The following HEG1 variants were observed in gnomAD, a reference collection of about 807,000 sequenced individuals.
The protein encoded by HEG1 is heart development protein with EGF like domains 1.
A neutral mutation model predicts 125.6 loss-of-function variants in HEG1; 56 were observed. That is an observed-to-expected ratio of 0.45 (90% CI 0.36 to 0.56). The LOEUF is 0.56. Ranked by LOEUF, HEG1 falls within the 20% of genes least tolerant of loss-of-function variation. The probability of loss-of-function intolerance (pLI) is 0.00; values close to 1 mark genes in which losing one functional copy is unlikely to be tolerated. For synonymous variants in HEG1, 644 were observed against 668.5 expected (o/e 0.96, Z 0.57); for missense variants, 1,523 against 1,670.0 (o/e 0.91, Z 1.53).
intron 1 of HEG1, among the ~76,000 whole-genome samples, chr3:125,051,963 G>A (rs971139631): frequency 6.6e-6 from 1 of 152,106 alleles, no homozygotes; most frequent in Non-Finnish European, 1.5e-5. Flanking sequence ...TGCCCAGCTG[G>A]GCAGCAAATA....
In HEG1 at chr3:125,027,461, T is replaced by C; in HGVS notation, c.657A>G (p.Glu219=). 1.2e-6 allele frequency: 2 copies of C among 1,613,540 alleles called. No homozygotes were observed. Among genetic ancestry groups the C allele is most frequent in the Non-Finnish European group, 1.7e-6 (2 of 1,179,710 alleles). ...TCTTTGTTTGAAAAGCGGCAATTCT[T>C]TCATCGAACTCTGAACTGCTGGATG... is the stretch of plus-strand genomic sequence containing the variant. The part of the protein sequence containing the change: ...HLPSSSSEFD[E]RIAAFQTKSG... The change falls in exon 3 of 17, where the codon GAA becomes GAG. Residue 219 remains glutamate (E), a synonymous_variant. Transcript: ENST00000311127.
chr3:124,995,111 CA>C (rs1365885239), intron 12 of HEG1, among the ~76,000 whole-genome samples: 1 of 152,020 alleles, frequency 6.6e-6, no homozygotes, highest in Non-Finnish European at 1.5e-5. Context: ...CCAGACTCGG[CA>C]ACATGGCAAA....
At chr3:125,021,226 G>T in intron 3 of HEG1, 96 bp from the exon 4 acceptor site, 5 of 917,400 alleles carry the variant, frequency 5.5e-6, no homozygotes, top group Non-Finnish European at 6.6e-6. Context: ...CATTTTGGTG[G>T]ATACATCTAA....
chr3:124,977,894 G>A lies in HEG1; in HGVS notation c.3786C>T (p.Leu1262=), dbSNP rs202136180. ...VIAAAGGGLL[L]ILGIALIVTC... is the part of the protein sequence containing the mutation. ...TAACAATCAGTGCGATGCCTAGGAT[G>A]AGCAGGAGCCCACCTCCCGCGGCTG... The change falls in exon 15 of 17, where the codon CTC becomes CTT. Residue 1262 remains leucine (L), a synonymous_variant. Transcript: ENST00000311127. 121 of 1,580,082 alleles carry A rather than the reference G, an allele frequency of 7.7e-5. 1 individual carries two copies. The East Asian group carries it at 1.5e-3, about 20-fold the overall frequency.
chr3:125,031,849 C>A (rs138754520), intron 1 of HEG1, among the ~76,000 whole-genome samples: 1 of 152,030 alleles, frequency 6.6e-6, no homozygotes, highest in Non-Finnish European at 1.5e-5. Flanking sequence ...CACATACACA[C>A]GGAACAAGTT....
chr3:125,002,350 G>T lies in HEG1; in HGVS notation c.3298-35C>A, dbSNP rs1255193499. On this transcript the variant is annotated intron_variant, in intron 9 of 16. Transcript: ENST00000311127. Reference sequence around the variant, plus strand: ...AGAACAAGCCTGTCGTTAACAGTGAGTTAGACAAAAGCCTTGGACCTAGAA... The same window carrying T: ...AGAACAAGCCTGTCGTTAACAGTGATTTAGACAAAAGCCTTGGACCTAGAA... The T allele has an allele frequency of 4.4e-6, 7 of 1,579,270 alleles. No homozygotes were observed. In the African/African-American group the frequency reaches 9.5e-5, roughly 21 times the overall value.
chr3:125,055,325 G>C (rs983725433), intron 1 of HEG1, among the ~76,000 whole-genome samples: 3 of 152,102 alleles, frequency 2.0e-5, no homozygotes, highest in Non-Finnish European at 4.4e-5. Context: ...GAGATACAGG[G>C]TACCCCATAG....
intron 1 of HEG1, among the ~76,000 whole-genome samples, chr3:125,050,646 T>C (rs1937784729): frequency 6.6e-6 from 1 of 152,204 alleles, no homozygotes; most frequent in Non-Finnish European, 1.5e-5. Flanking sequence ...CACTCATGCA[T>C]CGTTATTTCG....
intron 14 of HEG1, among the ~76,000 whole-genome samples, chr3:124,982,815 G>A (rs1390353418): frequency 1.3e-5 from 2 of 152,170 alleles, no homozygotes; most frequent in Non-Finnish European, 2.9e-5. Context: ...CAGCTGGCTG[G>A]TCCTGGAACA....
At chr3:125,018,331 GAC>G (rs763136304) in intron 5 of HEG1, among the ~76,000 whole-genome samples, 7 of 152,170 alleles carry the variant, frequency 4.6e-5, no homozygotes, top group Non-Finnish European at 1.0e-4. Context: ...AATCTACAGA[GAC>G]AGAAAGCACA....
At chr3:124,971,274 G>A in intron 16 of HEG1, 1 of 419,946 alleles carries the variant, frequency 2.4e-6, no homozygotes, top group Non-Finnish European at 4.8e-6. Flanking sequence ...CCCAATGTGG[G>A]AATCACCTGG....
chr3:125,019,530 C>T lies in HEG1; in HGVS notation c.1320G>A (p.Glu440=), dbSNP rs575667446. 6.2e-7 allele frequency: 1 copy of T among 1,613,656 alleles called. No individual in the cohort carries two copies. Among genetic ancestry groups the T allele is most frequent in the South Asian group, 1.1e-5 (1 of 91,068 alleles). ...TGGGTGCGACTGACCTAGACACAGT[C>T]TCAGTCTGAGACATGGGACTTCCAT... ...VQNGSPMSQT[E]TVSRSVAPMR... is the part of the protein sequence containing the mutation. Residue 440 remains glutamate, a synonymous_variant, in exon 5 of 17, where the codon GAG becomes GAA. Transcript: ENST00000311127.
intron 5 of HEG1, among the ~76,000 whole-genome samples, chr3:125,016,516 T>C (rs778332063): frequency 3.9e-5 from 6 of 152,268 alleles, no homozygotes; most frequent in Middle Eastern, 6.8e-3. Flanking sequence ...TTTGAGAAGG[T>C]AGAAGTCCTG....
chr3:125,008,371 AG>A (rs1425217506), intron 8 of HEG1, among the ~76,000 whole-genome samples: 1 of 152,254 alleles, frequency 6.6e-6, no homozygotes, highest in African/African-American at 2.4e-5. Flanking sequence ...CACAGGTAAT[AG>A]CACTTTCAAA....
intron 3 of HEG1, among the ~76,000 whole-genome samples, chr3:125,021,679 C>T (rs183070113): frequency 2.0e-5 from 3 of 152,320 alleles, no homozygotes; most frequent in Admixed American, 6.5e-5. Context: ...AATTCCTAGG[C>T]TTGTCACCAT....
At chr3:125,016,654 G>C (rs533246695) in intron 5 of HEG1, among the ~76,000 whole-genome samples, 3 of 152,294 alleles carry the variant, frequency 2.0e-5, no homozygotes, top group African/African-American at 7.2e-5. Context: ...TTCATGATAA[G>C]CATATGCTTT....
chr3:125,005,942 C>T (rs544580999), intron 8 of HEG1, among the ~76,000 whole-genome samples: 1 of 152,296 alleles, frequency 6.6e-6, no homozygotes, highest in African/African-American at 2.4e-5. Flanking sequence ...GAGGAAATTC[C>T]CATTTTATCA....
rs2060479446 is a variant in HEG1 at position 124,973,776 on chromosome 3, A to G, written c.3951T>C (p.Asn1317=). ...TCTGGAGGAGGTTTTTGGTACTTCC[A>G]TTCTCATGCATTTCAATAGCTTCTC... is the stretch of plus-strand genomic sequence containing the variant. ...WGREAIEMHE[N]GSTKNLLQMT... Residue 1317 remains asparagine (N), a synonymous_variant, in exon 16 of 17, where the codon AAT becomes AAC. Transcript: ENST00000311127. 2.5e-6 allele frequency: 4 copies of G among 1,613,990 alleles called. No individual in the cohort carries two copies. Among genetic ancestry groups the G allele is most frequent in the Non-Finnish European group, 3.4e-6 (4 of 1,179,870 alleles).
chr3:125,014,101 G>C, intron 5 of HEG1, 111 bp from the exon 6 acceptor site: 2 of 990,190 alleles, frequency 2.0e-6, no homozygotes, highest in Non-Finnish European at 2.9e-6. Context: ...TCAAGTGGGT[G>C]AAACACTTGC....
Sources: allele counts gnomAD v4.1 joint callset (sites outside exome capture counted in the v4.1 genomes callset), GRCh38; gene constraint gnomAD v4.1.1; transcripts MANE v1.5; gene names NCBI Gene and HGNC (gene_info 2026-07-23, HGNC 2026-07-21).